NEK10: variants seen among roughly 807,000 people sequenced by gnomAD.
NEK10 encodes serine/threonine-protein kinase Nek10.
Under a neutral mutation model 159.8 loss-of-function variants are expected in NEK10, and 122 were observed. That is an observed-to-expected ratio of 0.76 (90% confidence interval 0.66 to 0.89). The LOEUF (loss-of-function observed/expected upper bound fraction) is 0.89. Ranked by LOEUF, NEK10 falls within the 40% of genes least tolerant of loss-of-function variation. The pLI is 0.00. For missense variants in NEK10, 1,342 were observed against 1,323.1 expected (o/e 1.01, Z -0.22); for synonymous variants, 466 against 457.1 (o/e 1.02, Z -0.25).
intron 1 of NEK10, among the ~76,000 whole-genome samples, chr3:27,365,611 T>G (rs1339309273): frequency 5.4e-4 from 2 of 3,692 alleles, no homozygotes; most frequent in African/African-American, 7.8e-4. Context: ...TTTTTTTGTG[T>G]TTTTTTTTTT....
At chr3:27,261,832 C>A (rs1370554927) in intron 22 of NEK10, among the ~76,000 whole-genome samples, 2 of 152,170 alleles carry the variant, frequency 1.3e-5, no homozygotes, top group Admixed American at 1.3e-4. Context: ...GTGTTAACGT[C>A]TCCCACTATT....
intron 22 of NEK10, among the ~76,000 whole-genome samples, chr3:27,269,283 A>T (rs976037082): frequency 6.6e-6 from 1 of 152,242 alleles, no homozygotes; most frequent in African/African-American, 2.4e-5. Flanking sequence ...TTTTGAAAGA[A>T]GCTTTACTGT....
At chr3:27,157,147 G>C (rs1318581410) in intron 30 of NEK10, among the ~76,000 whole-genome samples, 3 of 151,240 alleles carry the variant, frequency 2.0e-5, no homozygotes, top group Non-Finnish European at 3.0e-5. Context: ...GCAAAGGCAT[G>C]ATAATGATAA....
At chr3:27,306,630 G>T (rs1193329647) in intron 11 of NEK10, among the ~76,000 whole-genome samples, 1 of 152,068 alleles carries the variant, frequency 6.6e-6, no homozygotes, top group Non-Finnish European at 1.5e-5. Flanking sequence ...AATTCACATC[G>T]TTATTTATCA....
chr3:27,351,547 T>C (rs557394075), intron 3 of NEK10, among the ~76,000 whole-genome samples: 1 of 152,240 alleles, frequency 6.6e-6, no homozygotes, highest in Middle Eastern at 3.4e-3. Context: ...AGCGGGCACA[T>C]AGAAAGTGTT....
At chr3:27,235,988 T>C (rs1227570769) in intron 23 of NEK10, among the ~76,000 whole-genome samples, 1 of 152,174 alleles carries the variant, frequency 6.6e-6, no homozygotes, top group African/African-American at 2.4e-5. Context: ...AATAAGATCA[T>C]GTCCTTTGCA....
chr3:27,113,509 T>A (rs1344525145), intron 35 of NEK10, among the ~76,000 whole-genome samples: 1 of 151,572 alleles, frequency 6.6e-6, no homozygotes, highest in East Asian at 1.9e-4. Flanking sequence ...ATGTGATTCA[T>A]TTTAATTTGG....
intron 22 of NEK10, among the ~76,000 whole-genome samples, chr3:27,264,247 ACT>A (rs2040684232): frequency 6.6e-6 from 1 of 152,140 alleles, no homozygotes; most frequent in Non-Finnish European, 1.5e-5. Flanking sequence ...TTCTACACAA[ACT>A]CTACCAGAAA....
intron 3 of NEK10, among the ~76,000 whole-genome samples, chr3:27,350,264 G>A (rs1463078239): frequency 6.6e-6 from 1 of 151,966 alleles, no homozygotes; most frequent in Non-Finnish European, 1.5e-5. Context: ...ACTCTACTTT[G>A]CTCCCAACCC....
At chr3:27,126,063 G>A (rs909171470) in intron 32 of NEK10, among the ~76,000 whole-genome samples, 2 of 152,098 alleles carry the variant, frequency 1.3e-5, no homozygotes, top group African/African-American at 4.8e-5. Flanking sequence ...CCCTAATAAG[G>A]GTTGTGCAAA....
intron 1 of NEK10, among the ~76,000 whole-genome samples, chr3:27,361,925 A>G (rs564558137): frequency 3.3e-5 from 5 of 152,210 alleles, no homozygotes; most frequent in Admixed American, 2.6e-4. Flanking sequence ...TTACAATCCA[A>G]TGTGTGTGGG....
chr3:27,248,173 C>T (rs1053693325), intron 23 of NEK10, among the ~76,000 whole-genome samples: 1 of 152,052 alleles, frequency 6.6e-6, no homozygotes, highest in African/African-American at 2.4e-5. Context: ...TCGTGGTAGC[C>T]ACTAATTATT....
chr3:27,157,672 G>A (rs939526945), intron 30 of NEK10, among the ~76,000 whole-genome samples: 3 of 152,170 alleles, frequency 2.0e-5, no homozygotes, highest in African/African-American at 7.2e-5. Context: ...AGCAGCAGTA[G>A]GTTTCAGGGG....
intron 5 of NEK10, among the ~76,000 whole-genome samples, chr3:27,341,380 A>G (rs527706188): frequency 2.5e-4 from 38 of 152,312 alleles, no homozygotes; most frequent in African/African-American, 8.7e-4. Flanking sequence ...ACAAATCCTC[A>G]AAGTGATGTG....
chr3:27,247,061 A>C (rs1295397872), intron 23 of NEK10, among the ~76,000 whole-genome samples: 1 of 152,194 alleles, frequency 6.6e-6, no homozygotes, highest in Admixed American at 6.5e-5. Flanking sequence ...AGATCATATC[A>C]TCTGCAAACA....
intron 23 of NEK10, among the ~76,000 whole-genome samples, chr3:27,253,853 T>G (rs1045982067): frequency 6.6e-6 from 1 of 152,166 alleles, no homozygotes; most frequent in Non-Finnish European, 1.5e-5. Context: ...TTCTAGAATG[T>G]CGGGACCCTA....
At chr3:27,293,754 G>T in intron 15 of NEK10, 102 bp from the exon 16 acceptor site, 1 of 619,948 alleles carries the variant, frequency 1.6e-6, no homozygotes, top group East Asian at 2.8e-5. Flanking sequence ...TGACTTTATT[G>T]TAAGTGGCTG....
At chr3:27,163,574 G>A (rs557012950) in intron 29 of NEK10, among the ~76,000 whole-genome samples, 7 of 151,884 alleles carry the variant, frequency 4.6e-5, no homozygotes, top group African/African-American at 1.7e-4. Flanking sequence ...GGATGGTCTC[G>A]ATCTCCTGAC....
intron 32 of NEK10, among the ~76,000 whole-genome samples, chr3:27,124,772 T>C (rs918761258): frequency 6.6e-6 from 1 of 152,110 alleles, no homozygotes; most frequent in African/African-American, 2.4e-5. Context: ...TGAGTCTAAT[T>C]CCCGACATGC....
Sources: gnomAD v4.1 joint callset for allele counts (sites outside exome capture counted in the v4.1 genomes callset) on GRCh38, gnomAD v4.1.1 for gene constraint, MANE v1.5 for transcripts, NCBI Gene and HGNC (gene_info 2026-07-23, HGNC 2026-07-21) for gene names.